Variants in FYB2 observed in about 807,000 individuals in gnomAD.
FYB2 encodes FYN binding protein 2, also known as FYN-binding protein 2.
FYB2 carries 103 observed loss-of-function variants against 94.1 expected under a neutral mutation model. The observed-to-expected ratio is 1.09, with a 90% CI of 0.93 to 1.29. The LOEUF (loss-of-function observed/expected upper bound fraction) is 1.29. FYB2 is among the 50% of genes most tolerant of loss of function. The probability of loss-of-function intolerance (pLI) is 0.00; values close to 1 mark genes in which losing one functional copy is unlikely to be tolerated. For synonymous variants in FYB2, 293 were observed against 287.9 expected, an observed-to-expected ratio of 1.02 and a Z score of -0.18; for missense variants, 896 against 841.5, an observed-to-expected ratio of 1.06 and a Z score of -0.80.
At chr1:56,815,193 T>C (rs1312268399) in intron 1 of FYB2, among the ~76,000 whole-genome samples, 1 of 152,128 alleles carries the variant, frequency 6.6e-6, no homozygotes, top group Non-Finnish European at 1.5e-5. Context: ...ATTACCCATC[T>C]CTGCTGCTCC....
At chr1:56,753,729 T>G (rs952375854) in intron 8 of FYB2, 110 bp downstream of exon 8, 9 of 693,364 alleles carry the variant, frequency 1.3e-5, no homozygotes, top group Admixed American at 2.6e-5. Context: ...AAATGCCCAT[T>G]GCCTTTTCTA....
chr1:56,780,889 T>C (rs1645993345), intron 4 of FYB2, among the ~76,000 whole-genome samples: 1 of 152,148 alleles, frequency 6.6e-6, no homozygotes, highest in Non-Finnish European at 1.5e-5. Flanking sequence ...ACTACCTGAA[T>C]GTTCTGAGTC....
At chr1:56,807,231 A>G (rs1646667658) in intron 1 of FYB2, among the ~76,000 whole-genome samples, 1 of 152,228 alleles carries the variant, frequency 6.6e-6, no homozygotes, top group Admixed American at 6.5e-5. Flanking sequence ...TGAAAACTGA[A>G]AAAAGAAGGG....
intron 9 of FYB2, among the ~76,000 whole-genome samples, chr1:56,748,259 C>T (rs1163861810): frequency 1.3e-5 from 2 of 152,070 alleles, no homozygotes; most frequent in African/African-American, 4.8e-5. Context: ...AATTAGATCC[C>T]ATTGGTCAAT....
chr1:56,819,172 C>T (rs1483862772), intron 1 of FYB2, 110 bp downstream of exon 1: 4 of 1,470,712 alleles, frequency 2.7e-6, no homozygotes, highest in Admixed American at 1.7e-5. Context: ...TATTCCTGCC[C>T]AGGAGGCAGC....
At chr1:56,756,802 A>C (rs901653973) in intron 6 of FYB2, among the ~76,000 whole-genome samples, 1 of 152,186 alleles carries the variant, frequency 6.6e-6, no homozygotes, top group Non-Finnish European at 1.5e-5. Context: ...GTCTATGCAC[A>C]AGTGCTATCA....
chr1:56,795,001 T>A (rs1231506774), intron 1 of FYB2, among the ~76,000 whole-genome samples: 3 of 151,778 alleles, frequency 2.0e-5, no homozygotes, highest in Non-Finnish European at 4.4e-5. Flanking sequence ...AAACACTGCC[T>A]ACATAACACT....
chr1:56,761,041 A>G (rs4912225), intron 5 of FYB2, among the ~76,000 whole-genome samples: 66,162 of 151,704 alleles, frequency 0.44, 14,834 homozygotes, highest in East Asian at 0.53. Context: ...TTTATTGTGC[A>G]GGCAGAGAAA....
In FYB2 at chr1:56,749,135, G is replaced by A. The variant is rs114076789; in HGVS notation, c.1387+1909C>T. Among the ~76,000 whole-genome samples the A allele has an allele frequency of 3.7e-3, 551 of 149,102 alleles. 6 individuals carry two copies. Among genetic ancestry groups the A allele is most frequent in the African/African-American group, 0.013 (520 of 40,572 alleles). On this transcript the variant is annotated intron_variant, in intron 9 of 19. Transcript: ENST00000343433. ...TTAAGATATTCTCTTATTCTTTAAT[G>A]TTCTTCATTTTGCATGGCTAGGCAT...
chr1:56,816,949 T>A (rs976416885), intron 1 of FYB2, among the ~76,000 whole-genome samples: 2 of 151,964 alleles, frequency 1.3e-5, no homozygotes, highest in Non-Finnish European at 2.9e-5. Flanking sequence ...TTCTAGCCAC[T>A]TCATTGCTAA....
At chr1:56,755,114 A>G (rs984223480) in intron 7 of FYB2, among the ~76,000 whole-genome samples, 1 of 152,094 alleles carries the variant, frequency 6.6e-6, no homozygotes, top group Non-Finnish European at 1.5e-5. Flanking sequence ...AAGGGCTAGA[A>G]ACAGACTCTG....
chr1:56,725,666 G>A (rs931518712), intron 16 of FYB2, among the ~76,000 whole-genome samples: 27 of 151,992 alleles, frequency 1.8e-4, no homozygotes, highest in Non-Finnish European at 2.5e-4. Flanking sequence ...TTTCCAGCCT[G>A]AGAAAAATAA....
intron 5 of FYB2, among the ~76,000 whole-genome samples, chr1:56,763,295 C>A (rs1645543292): frequency 1.3e-5 from 2 of 152,192 alleles, no homozygotes; most frequent in Non-Finnish European, 2.9e-5. Flanking sequence ...AATGTGTTTT[C>A]TCCTCCATTT....
the FYB2 span, chr1:56,824,987 T>A: frequency 6.6e-6 from 1 of 152,164 alleles, no homozygotes; most frequent in African/African-American, 2.4e-5. Flanking sequence ...GGAAAGGAGG[T>A]GGCCTGTGTC....
Position 56,778,615 on chromosome 1 carries a change from G to T in FYB2, c.953+8560C>A, listed in dbSNP as rs2064423. Among the ~76,000 whole-genome samples, 8 of 151,996 alleles carry T rather than the reference G, an allele frequency of 5.3e-5. No homozygotes were observed. In the South Asian group the frequency reaches 1.7e-3, roughly 32 times the overall value. ...AGCAGTCAATGTCCTTAAACTCAGG[G>T]TTCTCATGGTCTAGAAAAACATAAA... is the stretch of plus-strand genomic sequence containing the variant. On this transcript the variant is annotated intron_variant, in intron 4 of 19. Coordinates refer to ENST00000343433, the MANE Select transcript of FYB2 (RefSeq NM_001004303.5).
At chr1:56,815,193 T>A (rs1312268399) in intron 1 of FYB2, among the ~76,000 whole-genome samples, 1 of 152,128 alleles carries the variant, frequency 6.6e-6, no homozygotes, top group Non-Finnish European at 1.5e-5. Context: ...ATTACCCATC[T>A]CTGCTGCTCC....
intron 4 of FYB2, among the ~76,000 whole-genome samples, chr1:56,779,006 A>C (rs1473471744): frequency 1.3e-5 from 2 of 152,124 alleles, no homozygotes; most frequent in Non-Finnish European, 2.9e-5. Context: ...GACACACACA[A>C]GAAAATATAA....
intron 9 of FYB2, among the ~76,000 whole-genome samples, chr1:56,745,714 G>A (rs922264037): frequency 3.9e-5 from 6 of 151,926 alleles, no homozygotes; most frequent in African/African-American, 1.2e-4. Context: ...TGCAAATCAG[G>A]TCATGCCTTT....
intron 4 of FYB2, 114 bp from the exon 5 acceptor site, chr1:56,768,052 C>G: frequency 1.3e-6 from 1 of 745,518 alleles, no homozygotes; most frequent in Non-Finnish European, 2.2e-6. Flanking sequence ...ATATGGTGAC[C>G]TAAGCATATA....
Sources: gnomAD v4.1 joint callset for allele counts (sites outside exome capture counted in the v4.1 genomes callset) on GRCh38, gnomAD v4.1.1 for gene constraint, MANE v1.5 for transcripts, NCBI Gene and HGNC (gene_info 2026-07-23, HGNC 2026-07-21) for gene names.